Variants in NAA11 observed in about 807,000 individuals in gnomAD.
The protein encoded by NAA11 is N-alpha-acetyltransferase 11, NatA catalytic subunit, also known as N-alpha-acetyltransferase 11.
Under a neutral mutation model 16.1 loss-of-function variants are expected in NAA11, and 15 were observed. The observed-to-expected ratio is 0.93, with a 90% CI of 0.62 to 1.44. The LOEUF (loss-of-function observed/expected upper bound fraction) is 1.44. Among genes scored for constraint, NAA11 ranks in the 40% most tolerant of loss-of-function variants. The pLI, the probability that NAA11 is intolerant of heterozygous loss-of-function variation, is 0.00. For synonymous variants in NAA11, 122 were observed against 112.4 expected, an observed-to-expected ratio of 1.09 and a Z score of -0.54; for missense variants, 298 against 291.3, an observed-to-expected ratio of 1.02 and a Z score of -0.17.
chr4:79,269,119 G>C (rs1472314235), intron 2 of NAA11, among the ~76,000 whole-genome samples: 1 of 135,382 alleles, frequency 7.4e-6, no homozygotes, highest in African/African-American at 2.9e-5. Flanking sequence ...CATTTGGGTT[G>C]GTTCCAAGTC....
At chr4:79,179,838 G>T in the NAA11 span, among the ~76,000 whole-genome samples, 4 of 152,182 alleles carry the variant, frequency 2.6e-5, no homozygotes, top group Non-Finnish European at 4.4e-5. Context: ...AAGGAAGGAG[G>T]TTTAATTGAC....
the NAA11 span, among the ~76,000 whole-genome samples, chr4:79,181,512 C>T: frequency 1.7e-4 from 26 of 152,162 alleles, no homozygotes; most frequent in Admixed American, 1.7e-3. Context: ...AAATTACACA[C>T]GCGGTGGCCA....
chr4:79,294,258 C>T (rs1723158662), intron 1 of NAA11: 1 of 152,162 alleles, frequency 6.6e-6, no homozygotes, highest in African/African-American at 2.4e-5. Flanking sequence ...GACTCATAAG[C>T]CCTTTGGACT....
downstream of NAA11, among the ~76,000 whole-genome samples, chr4:79,314,330 G>A (rs1301180201): frequency 6.6e-6 from 1 of 152,022 alleles, no homozygotes; most frequent in African/African-American, 2.4e-5. Flanking sequence ...TGTCTGGAGA[G>A]TATTAACATG....
the NAA11 span, among the ~76,000 whole-genome samples, chr4:79,205,852 A>G: frequency 1.3e-5 from 2 of 151,994 alleles, no homozygotes; most frequent in African/African-American, 4.8e-5. Flanking sequence ...TTCTAGCACC[A>G]TTTATTGAAT....
In NAA11 at chr4:79,317,534, G is replaced by T. The variant is rs534398804; in HGVS notation, c.*270C>A. On this transcript the variant is annotated 3_prime_UTR_variant, in exon 2 of 2. Coordinates refer to ENST00000286794, the MANE Select transcript of NAA11 (RefSeq NM_032693.3). ...GGACTACTACAAACAGAATAAAATG[G>T]CAGCGTAGTGTGAGTAGGCCAAGAA... is the stretch of plus-strand genomic sequence containing the variant. 6.6e-6 allele frequency: 1 copy of T among 152,348 alleles called. No individual in the cohort carries two copies. The highest frequency in any genetic ancestry group is 2.1e-4 in the South Asian group (1 of 4,822). 9.4% of individuals were successfully genotyped at this position (152,348 alleles called of 1,614,324 possible).
At chr4:79,167,265 A>G in the NAA11 span, among the ~76,000 whole-genome samples, 15 of 123,282 alleles carry the variant, frequency 1.2e-4, no homozygotes, top group Middle Eastern at 4.0e-3. Flanking sequence ...ATATATATAT[A>G]TATATAGAGA....
chr4:79,253,161 C>T (rs1444500207), intron 2 of NAA11, among the ~76,000 whole-genome samples: 2 of 152,070 alleles, frequency 1.3e-5, no homozygotes, highest in Non-Finnish European at 2.9e-5. Flanking sequence ...TCGACATTTG[C>T]GTCAGGATAT....
At chr4:79,308,879 A>ATAGT (rs1723671118) in intron 1 of NAA11, 1 of 152,042 alleles carries the variant, frequency 6.6e-6, no homozygotes, top group African/African-American at 2.4e-5. Context: ...AGTGCTTCTT[A>ATAGT]TAGTTATATA....
At chr4:79,257,498 CTT>C (rs1403870018) in intron 2 of NAA11, among the ~76,000 whole-genome samples, 1 of 152,012 alleles carries the variant, frequency 6.6e-6, no homozygotes, top group African/African-American at 2.4e-5. Context: ...CTTTAGGTCA[CTT>C]ATTATCTGTA....
the NAA11 span, among the ~76,000 whole-genome samples, chr4:79,182,258 G>A: frequency 1.3e-5 from 2 of 152,126 alleles, no homozygotes; most frequent in South Asian, 2.1e-4. Flanking sequence ...TATCTTTAAC[G>A]TATTAAAAAT....
chr4:79,323,180 C>T (rs1724149848), intron 1 of NAA11, among the ~76,000 whole-genome samples: 1 of 152,042 alleles, frequency 6.6e-6, no homozygotes, highest in South Asian at 2.1e-4. Context: ...GAAGTTGCTG[C>T]CTTTCATACA....
chr4:79,208,392 C>T, the NAA11 span, among the ~76,000 whole-genome samples: 1 of 152,114 alleles, frequency 6.6e-6, no homozygotes, highest in Non-Finnish European at 1.5e-5. Context: ...TTATAAAGTA[C>T]CACGCTTATT....
At chr4:79,167,198 CATACATATATATACATAT>C in the NAA11 span, among the ~76,000 whole-genome samples, 6 of 69,838 alleles carry the variant, frequency 8.6e-5, no homozygotes, top group East Asian at 2.6e-3. Flanking sequence ...TATATATATA[CATACATATATATACATAT>C]ATACACATAT....
At chr4:79,193,867 G>A in the NAA11 span, among the ~76,000 whole-genome samples, 1 of 152,152 alleles carries the variant, frequency 6.6e-6, no homozygotes, top group Non-Finnish European at 1.5e-5. Flanking sequence ...AACATGGAAT[G>A]TTCTTCCATT....
At chr4:79,319,745 T>C (rs140976434) in intron 1 of NAA11, among the ~76,000 whole-genome samples, 1 of 152,190 alleles carries the variant, frequency 6.6e-6, no homozygotes, top group Non-Finnish European at 1.5e-5. Flanking sequence ...TTTATCTTCA[T>C]AGAGTGCAGT....
At chr4:79,221,535 T>C (rs1426334759), downstream of NAA11, among the ~76,000 whole-genome samples, 3 of 134,082 alleles carry the variant, frequency 2.2e-5, no homozygotes, top group African/African-American at 5.4e-5. Context: ...TCTTATTATT[T>C]TGAAATACGT....
At chr4:79,169,375 C>G in the NAA11 span, among the ~76,000 whole-genome samples, 2 of 152,088 alleles carry the variant, frequency 1.3e-5, no homozygotes, top group African/African-American at 4.8e-5. Context: ...GCTACAGTAA[C>G]CAAAACAGCA....
chr4:79,325,030 C>A, intron 1 of NAA11, 146 bp downstream of exon 1: 1 of 663,308 alleles, frequency 1.5e-6, no homozygotes, highest in Non-Finnish European at 2.5e-6. Context: ...TCAACTCACT[C>A]TAACTTCTCC....
Sources: allele counts gnomAD v4.1 joint callset (sites outside exome capture counted in the v4.1 genomes callset), GRCh38; gene constraint gnomAD v4.1.1; transcripts MANE v1.5; gene names NCBI Gene and HGNC (gene_info 2026-07-23, HGNC 2026-07-21).